Variants in CHLSN observed in about 807,000 individuals in gnomAD.
CHLSN encodes protein cholesin.
chr7:1,000,173 G>A, the CHLSN span, among the ~76,000 whole-genome samples: 1 of 152,300 alleles, frequency 6.6e-6, no homozygotes, highest in East Asian at 1.9e-4. Context: ...GCCCTGCAGT[G>A]GGGCCCTGAG....
chr7:1,091,711 G>A, the CHLSN span: 1 of 1,504,580 alleles, frequency 6.6e-7, no homozygotes, highest in South Asian at 1.3e-5. Context: ...AATCTTGAAA[G>A]CTGCACGGTG....
chr7:1,053,681 G>T, the CHLSN span, among the ~76,000 whole-genome samples: 3 of 152,320 alleles, frequency 2.0e-5, no homozygotes, highest in South Asian at 6.2e-4. Context: ...TACAAAATTA[G>T]CTGGGTGTGG....
chr7:991,410 A>T, the CHLSN span, among the ~76,000 whole-genome samples: 1 of 152,100 alleles, frequency 6.6e-6, no homozygotes, highest in Non-Finnish European at 1.5e-5. Flanking sequence ...AGCTTAGTGA[A>T]AACAGAGTAA....
chr7:1,119,395 C>G, the CHLSN span, among the ~76,000 whole-genome samples: 1 of 152,090 alleles, frequency 6.6e-6, no homozygotes, highest in Non-Finnish European at 1.5e-5. Context: ...AAAGCACCGG[C>G]AACAAAAGAA....
At chr7:987,388 C>T in the CHLSN span, 17 of 1,594,510 alleles carry the variant, frequency 1.1e-5, no homozygotes, top group East Asian at 8.9e-5. Flanking sequence ...GGGCCCTGGG[C>T]GGACTCCCCG....
At chr7:1,057,938 G>C in the CHLSN span, 9 of 773,688 alleles carry the variant, frequency 1.2e-5, no homozygotes, top group African/African-American at 1.4e-4. Flanking sequence ...TGGCCAGCGT[G>C]TACAACACGC....
the CHLSN span, among the ~76,000 whole-genome samples, chr7:1,131,330 G>A: frequency 1.1e-4 from 16 of 152,024 alleles, no homozygotes; most frequent in South Asian, 1.9e-3. Flanking sequence ...AATACCCCTC[G>A]CTGTGAAAAA....
At chr7:1,016,576 C>G in the CHLSN span, among the ~76,000 whole-genome samples, 1 of 131,196 alleles carries the variant, frequency 7.6e-6, no homozygotes, top group Non-Finnish European at 1.6e-5. Flanking sequence ...CACCAGTACA[C>G]AGCAGCACAC....
At chr7:1,000,698 G>A in the CHLSN span, 1 of 645,824 alleles carries the variant, frequency 1.5e-6, no homozygotes, top group African/African-American at 1.8e-5. Context: ...GAGGGTTTTT[G>A]GAGCCCCTCC....
chr7:1,078,292 G>T, the CHLSN span, among the ~76,000 whole-genome samples: 2 of 151,948 alleles, frequency 1.3e-5, no homozygotes, highest in Non-Finnish European at 2.9e-5. Flanking sequence ...CCTGGAGAGC[G>T]TATATTTTCA....
the CHLSN span, among the ~76,000 whole-genome samples, chr7:1,103,234 G>A: frequency 6.6e-6 from 1 of 152,224 alleles, no homozygotes; most frequent in African/African-American, 2.4e-5. Flanking sequence ...CCGACCCTGT[G>A]GTAAAAGACA....
At chr7:1,027,771 G>A in the CHLSN span, among the ~76,000 whole-genome samples, 1 of 152,260 alleles carries the variant, frequency 6.6e-6, no homozygotes, top group Admixed American at 6.5e-5. Context: ...AGGGAGGGGC[G>A]AGGCGGCGCT....
the CHLSN span, among the ~76,000 whole-genome samples, chr7:1,017,395 G>C: frequency 6.6e-6 from 1 of 152,230 alleles, no homozygotes; most frequent in Non-Finnish European, 1.5e-5. Flanking sequence ...TGTGGGTGAA[G>C]GGGTCACCTG....
the CHLSN span, among the ~76,000 whole-genome samples, chr7:1,103,712 C>G: frequency 6.6e-6 from 1 of 152,260 alleles, no homozygotes; most frequent in South Asian, 2.1e-4. Flanking sequence ...CGTCCCCACC[C>G]TGCACAGGAG....
the CHLSN span, among the ~76,000 whole-genome samples, chr7:1,109,724 C>A: frequency 6.6e-6 from 1 of 151,978 alleles, no homozygotes; most frequent in Non-Finnish European, 1.5e-5. Context: ...CCGGGCCCTC[C>A]CCACTCACCC....
the CHLSN span, among the ~76,000 whole-genome samples, chr7:1,013,360 C>T: frequency 7.2e-5 from 11 of 152,224 alleles, no homozygotes; most frequent in Non-Finnish European, 1.6e-4. Context: ...CCTAAGTACA[C>T]ACCAAAAAAT....
chr7:1,007,758 C>T, the CHLSN span, among the ~76,000 whole-genome samples: 1 of 152,104 alleles, frequency 6.6e-6, no homozygotes, highest in Non-Finnish European at 1.5e-5. Flanking sequence ...TGGGGGGTTG[C>T]GAGTAGCATG....
chr7:997,554 G>A, the CHLSN span: 54 of 1,325,490 alleles, frequency 4.1e-5, no homozygotes, highest in Admixed American at 1.9e-4. Flanking sequence ...CCCCACCGCC[G>A]GAGGAGCTGC....
the CHLSN span, among the ~76,000 whole-genome samples, chr7:1,101,068 C>T: frequency 6.6e-6 from 1 of 152,234 alleles, no homozygotes; most frequent in Non-Finnish European, 1.5e-5. Context: ...GGCGGCCCTG[C>T]CACAGGCTCC....
Sources: gnomAD v4.1 joint callset for allele counts (sites outside exome capture counted in the v4.1 genomes callset) on GRCh38, gnomAD v4.1.1 for gene constraint, MANE v1.5 for transcripts, NCBI Gene and HGNC (gene_info 2026-07-23, HGNC 2026-07-21) for gene names.